ENTREP2: variants seen among roughly 807,000 people sequenced by gnomAD.
ENTREP2 encodes the protein protein ENTREP2.
chr15:29,532,369 G>A, the ENTREP2 span, among the ~76,000 whole-genome samples: 1 of 152,140 alleles, frequency 6.6e-6, no homozygotes, highest in African/African-American at 2.4e-5. Flanking sequence ...CTGATTTGTA[G>A]CATTCATGGC....
the ENTREP2 span, among the ~76,000 whole-genome samples, chr15:29,556,573 A>C: frequency 1.3e-5 from 2 of 152,152 alleles, no homozygotes; most frequent in Non-Finnish European, 2.9e-5. Context: ...TTTTGCCAAG[A>C]ATAATAAAAA....
the ENTREP2 span, among the ~76,000 whole-genome samples, chr15:29,184,119 G>A: frequency 6.6e-6 from 1 of 152,108 alleles, no homozygotes; most frequent in Non-Finnish European, 1.5e-5. Flanking sequence ...TGAGTAGCTG[G>A]AACTACAGCC....
At chr15:29,427,104 C>G in the ENTREP2 span, among the ~76,000 whole-genome samples, 1 of 152,168 alleles carries the variant, frequency 6.6e-6, no homozygotes, top group Non-Finnish European at 1.5e-5. Context: ...TTAAAGCAAA[C>G]TAGCAATTTC....
At chr15:29,474,434 A>G in the ENTREP2 span, among the ~76,000 whole-genome samples, 1 of 152,198 alleles carries the variant, frequency 6.6e-6, no homozygotes, top group Non-Finnish European at 1.5e-5. Flanking sequence ...ACAAATGACT[A>G]CGGTTCAGGT....
chr15:29,293,794 C>T, the ENTREP2 span, among the ~76,000 whole-genome samples: 3,999 of 152,318 alleles, frequency 0.026, 61 homozygotes, highest in Middle Eastern at 0.044. Context: ...GGGGTCCACA[C>T]CCTCCACCCC....
chr15:29,378,380 T>C, the ENTREP2 span, among the ~76,000 whole-genome samples: 5 of 152,178 alleles, frequency 3.3e-5, no homozygotes, highest in Admixed American at 3.3e-4. Flanking sequence ...GCGGTGATGG[T>C]TCCTGATGGT....
chr15:29,133,153 G>A, the ENTREP2 span, among the ~76,000 whole-genome samples: 1 of 152,096 alleles, frequency 6.6e-6, no homozygotes, highest in Non-Finnish European at 1.5e-5. Flanking sequence ...GCCCTGTCCT[G>A]GGCCTGCCAT....
At chr15:29,489,652 G>A in the ENTREP2 span, among the ~76,000 whole-genome samples, 1 of 152,192 alleles carries the variant, frequency 6.6e-6, no homozygotes, top group Non-Finnish European at 1.5e-5. Context: ...AAAATGTCAT[G>A]TCTCTCTGGA....
At chr15:29,419,916 A>C in the ENTREP2 span, among the ~76,000 whole-genome samples, 46 of 152,324 alleles carry the variant, frequency 3.0e-4, no homozygotes, top group African/African-American at 1.1e-3. Flanking sequence ...ACACTAAAGA[A>C]AAGAAAAATG....
the ENTREP2 span, among the ~76,000 whole-genome samples, chr15:29,621,779 A>C: frequency 6.6e-6 from 1 of 152,142 alleles, no homozygotes; most frequent in Admixed American, 6.5e-5. Flanking sequence ...ATACATGCCA[A>C]AGAAAGCAGG....
At chr15:29,610,549 T>C in the ENTREP2 span, 5 of 150,608 alleles carry the variant, frequency 3.3e-5, no homozygotes, top group African/African-American at 1.2e-4. Flanking sequence ...TCAGCCAAGT[T>C]CATTCTCTCT....
the ENTREP2 span, among the ~76,000 whole-genome samples, chr15:29,672,767 T>TG: frequency 2.8e-4 from 42 of 151,928 alleles, no homozygotes; most frequent in African/African-American, 8.7e-4. Context: ...TTTGGTGGGT[T>TG]GGGGGGGTTG....
the ENTREP2 span, among the ~76,000 whole-genome samples, chr15:29,461,536 C>CA: frequency 6.6e-6 from 1 of 152,002 alleles, no homozygotes; most frequent in Non-Finnish European, 1.5e-5. Flanking sequence ...GGCTAGAGAG[C>CA]AGTGGTGCGA....
At chr15:29,193,662 T>C in the ENTREP2 span, among the ~76,000 whole-genome samples, 2 of 152,372 alleles carry the variant, frequency 1.3e-5, no homozygotes, top group South Asian at 4.1e-4. Context: ...CTCACCTATC[T>C]GTATCTGTCC....
the ENTREP2 span, among the ~76,000 whole-genome samples, chr15:29,445,505 C>A: frequency 6.6e-6 from 1 of 152,130 alleles, no homozygotes; most frequent in Non-Finnish European, 1.5e-5. Context: ...TGCAATGATG[C>A]CTCCATAAAA....
the ENTREP2 span, chr15:29,137,343 A>G: frequency 1.3e-6 from 1 of 747,716 alleles, no homozygotes; most frequent in Admixed American, 4.2e-5. Flanking sequence ...ACACTTTAAA[A>G]TGAAGGCGCC....
the ENTREP2 span, among the ~76,000 whole-genome samples, chr15:29,564,025 G>A: frequency 6.6e-6 from 1 of 152,050 alleles, no homozygotes; most frequent in South Asian, 2.1e-4. Context: ...TGTTGCATGA[G>A]GCTGGATCGT....
At chr15:29,373,163 G>GAAAAAT in the ENTREP2 span, among the ~76,000 whole-genome samples, 1 of 151,086 alleles carries the variant, frequency 6.6e-6, no homozygotes, top group Non-Finnish European at 1.5e-5. Context: ...ATGATCTTAA[G>GAAAAAT]AAAAATAAAA....
chr15:29,570,680 AGC>A, the ENTREP2 span: 4 of 1,178,442 alleles, frequency 3.4e-6, no homozygotes, highest in Non-Finnish European at 4.2e-6. Context: ...GCTGCGGGGC[AGC>A]GCGGCGGGAC....
Sources: allele counts gnomAD v4.1 joint callset (sites outside exome capture counted in the v4.1 genomes callset), GRCh38; gene constraint gnomAD v4.1.1; transcripts MANE v1.5; gene names NCBI Gene and HGNC (gene_info 2026-07-23, HGNC 2026-07-21).